The following DHRS7C variants were observed in gnomAD, a reference collection of about 807,000 sequenced individuals.
DHRS7C encodes the protein dehydrogenase/reductase SDR family member 7C.
DHRS7C carries 28 observed loss-of-function variants against 29.6 expected under a neutral mutation model. That is an observed-to-expected ratio of 0.95 (90% CI 0.70 to 1.30). DHRS7C has a LOEUF of 1.30. Ranked by LOEUF, DHRS7C falls within the 50% of genes most tolerant of loss-of-function variation. The pLI is 0.00. For missense variants in DHRS7C, 403 were observed against 393.3 expected, an observed-to-expected ratio of 1.02 and a Z score of -0.21; for synonymous variants, 158 against 160.2, an observed-to-expected ratio of 0.99 and a Z score of 0.10.
intron 1 of DHRS7C, among the ~76,000 whole-genome samples, chr17:9,789,744 T>C (rs11657361): frequency 0.18 from 26,742 of 152,168 alleles, 2,678 homozygotes; most frequent in Non-Finnish European, 0.24. Context: ...GAGCAAATTT[T>C]TCGCAAAGCC....
At chr17:9,780,171 G>T in intron 2 of DHRS7C, 136 bp from the exon 3 acceptor site, 2 of 780,266 alleles carry the variant, frequency 2.6e-6, no homozygotes, top group Non-Finnish European at 4.0e-6. Context: ...AAAAGACGAA[G>T]AAGCAGAGAT....
At position 9,785,442 on chromosome 17, in the gene DHRS7C, T is replaced by C. The variant is rs201575581; in HGVS notation, c.155-3848A>G. Among the ~76,000 whole-genome samples the C allele has an allele frequency of 3.3e-4, 50 of 152,180 alleles. 1 individual carries two copies. The highest frequency in any genetic ancestry group is 5.8e-4 in the East Asian group (3 of 5,190). ...GAAAAGGAAAACTGGGACCTCTTCA[T>C]TGGGGGTGGCCTGCAGAGCCAAAGA... On this transcript the variant is annotated intron_variant, in intron 1 of 5. Coordinates refer to ENST00000571134, the MANE Select transcript of DHRS7C (RefSeq NM_001105571.3).
At chr17:9,783,298 C>T (rs1044022071) in intron 1 of DHRS7C, among the ~76,000 whole-genome samples, 1 of 152,024 alleles carries the variant, frequency 6.6e-6, no homozygotes, top group African/African-American at 2.4e-5. Context: ...AGATTCCTCT[C>T]AATGCAAGTG....
intron 1 of DHRS7C, among the ~76,000 whole-genome samples, chr17:9,784,665 T>C (rs1235796614): frequency 6.6e-6 from 1 of 152,104 alleles, no homozygotes; most frequent in Non-Finnish European, 1.5e-5. Context: ...ATAAAGAAAT[T>C]GGTTAAGGAG....
intron 1 of DHRS7C, among the ~76,000 whole-genome samples, chr17:9,788,625 T>C (rs1192336446): frequency 6.6e-6 from 1 of 152,182 alleles, no homozygotes; most frequent in Non-Finnish European, 1.5e-5. Context: ...GTCTGTTTGA[T>C]TTCCCTAGTA....
chr17:9,789,644 G>C (rs561561708), intron 1 of DHRS7C, among the ~76,000 whole-genome samples: 1 of 152,292 alleles, frequency 6.6e-6, no homozygotes, highest in East Asian at 1.9e-4. Flanking sequence ...GAGCAATTAA[G>C]GTGTCAGGAC....
At chr17:9,784,747 A>G (rs1446074529) in intron 1 of DHRS7C, among the ~76,000 whole-genome samples, 2 of 152,218 alleles carry the variant, frequency 1.3e-5, no homozygotes, top group African/African-American at 4.8e-5. Context: ...CATAAATGCA[A>G]ACTAAAACAT....
chr17:9,780,915 G>T (rs2066389587), intron 2 of DHRS7C, among the ~76,000 whole-genome samples: 1 of 152,170 alleles, frequency 6.6e-6, no homozygotes, highest in Non-Finnish European at 1.5e-5. Flanking sequence ...TGTCCTGTTT[G>T]ATTCATCTCC....
intron 4 of DHRS7C, among the ~76,000 whole-genome samples, chr17:9,773,741 T>TC (rs573684503): frequency 0.07 from 8,985 of 128,760 alleles, 377 homozygotes; most frequent in South Asian, 0.082. Context: ...TTTTTTTTTT[T>TC]TGAGACGGCG....
intron 3 of DHRS7C, among the ~76,000 whole-genome samples, chr17:9,778,924 C>T (rs1273388824): frequency 2.0e-5 from 3 of 151,776 alleles, no homozygotes; most frequent in African/African-American, 7.3e-5. Flanking sequence ...TTTAACTTTT[C>T]TTTTTTTTAG....
At position 9,777,832 on chromosome 17, in the gene DHRS7C, G is replaced by A. The variant is rs141738730; in HGVS notation, c.479-547C>T. Among the ~76,000 whole-genome samples, 589 of 152,210 alleles carry A rather than the reference G, an allele frequency of 3.9e-3. 2 individuals are homozygous for A. Among genetic ancestry groups the A allele is most frequent in the African/African-American group, 0.013 (542 of 41,518 alleles). On this transcript the variant is annotated intron_variant, in intron 3 of 5. Transcript: ENST00000571134. ...TAACAAAGAGAGGGAAGATTGTGGC[G>A]TTCTCAGGCTACCTTGGGAGAACTT...
rs151324045 is a variant in DHRS7C at position 9,779,951 on chromosome 17, C to T, written c.352G>A (p.Gly118Ser). 2.1e-4 allele frequency: 332 copies of T among 1,613,924 alleles called. No individual in the cohort carries two copies. The African/African-American group carries it at 4.2e-3, about 20-fold the overall frequency. Residue 118 changes from glycine to serine, a missense_variant, in exon 3 of 6, where the codon GGC (glycine) becomes AGC (serine). Physicochemically the swap from Gly to Ser is moderately conservative, Grantham distance 56. Coordinates refer to ENST00000571134, the MANE Select transcript of DHRS7C (RefSeq NM_001105571.3). ...DVAKEVLDCY[G>S]CVDILINNAS... ...TTGTTGATGAGGATGTCCACACAGC[C>T]ATAGCAATCCAGGACTTCTTTTGCC...
At chr17:9,778,174 G>A (rs1023207699) in intron 3 of DHRS7C, among the ~76,000 whole-genome samples, 1 of 151,938 alleles carries the variant, frequency 6.6e-6, no homozygotes, top group Non-Finnish European at 1.5e-5. Context: ...GGTGGATAAC[G>A]AGGTCAGGAG....
At chr17:9,782,896 G>A (rs754714414) in intron 1 of DHRS7C, 1 of 152,410 alleles carries the variant, frequency 6.6e-6, no homozygotes, top group South Asian at 2.1e-4. Flanking sequence ...GTGAACTCAG[G>A]GTTGTGTGAT....
intron 3 of DHRS7C, among the ~76,000 whole-genome samples, chr17:9,779,228 G>A (rs534228075): frequency 1.3e-5 from 2 of 152,180 alleles, no homozygotes; most frequent in Non-Finnish European, 2.9e-5. Context: ...ACTTGATGGT[G>A]AGAAATCTGC....
chr17:9,772,740 G>A (rs759353257), intron 5 of DHRS7C, 27 bp downstream of exon 5: 11 of 1,611,984 alleles, frequency 6.8e-6, no homozygotes, highest in African/African-American at 1.3e-5. Context: ...GGCCCCCAGG[G>A]GCCCCAGCTT....
At chr17:9,789,575 G>T (rs913283738) in intron 1 of DHRS7C, among the ~76,000 whole-genome samples, 3 of 152,118 alleles carry the variant, frequency 2.0e-5, no homozygotes, top group Non-Finnish European at 4.4e-5. Flanking sequence ...CACTAATGTG[G>T]TGTGCACTTA....
chr17:9,782,515 C>T (rs2066398648), intron 1 of DHRS7C, among the ~76,000 whole-genome samples: 1 of 152,008 alleles, frequency 6.6e-6, no homozygotes, highest in Non-Finnish European at 1.5e-5. Flanking sequence ...GAGGATCGGC[C>T]TTTGTACACC....
At chr17:9,789,053 T>C (rs1402218165) in intron 1 of DHRS7C, among the ~76,000 whole-genome samples, 7 of 152,098 alleles carry the variant, frequency 4.6e-5, no homozygotes, top group Admixed American at 4.6e-4. Flanking sequence ...AATGAGGTGT[T>C]TTAAAAATGA....
Sources: gnomAD v4.1 joint callset for allele counts (sites outside exome capture counted in the v4.1 genomes callset) on GRCh38, gnomAD v4.1.1 for gene constraint, MANE v1.5 for transcripts, NCBI Gene and HGNC (gene_info 2026-07-23, HGNC 2026-07-21) for gene names.